The following PKIB variants were observed in gnomAD, a reference collection of about 807,000 sequenced individuals.
PKIB encodes the protein cAMP-dependent protein kinase inhibitor beta.
Under a neutral mutation model 4.5 loss-of-function variants are expected in PKIB, and 2 were observed. That is an observed-to-expected ratio of 0.44 (90% CI 0.18 to 1.39). The LOEUF (loss-of-function observed/expected upper bound fraction) is 1.39, where lower values mean the gene tolerates loss of function less well. PKIB is among the 40% of genes most tolerant of loss of function. The pLI, the probability that PKIB is intolerant of heterozygous loss-of-function variation, is 0.27. For missense variants in PKIB, 94 were observed against 92.6 expected (o/e 1.02, Z -0.06); for synonymous variants, 38 against 36.0 (o/e 1.06, Z -0.20).
chr6:122,609,820 C>T (rs759989870), upstream of PKIB, among the ~76,000 whole-genome samples: 2 of 152,166 alleles, frequency 1.3e-5, no homozygotes, highest in Non-Finnish European at 2.9e-5. Context: ...TTATTTTCTG[C>T]TTTTATTGCA....
chr6:122,535,148 T>C (rs1014539109), intron 2 of PKIB, among the ~76,000 whole-genome samples: 4 of 152,112 alleles, frequency 2.6e-5, no homozygotes, highest in Non-Finnish European at 5.9e-5. Flanking sequence ...TCAATCTACG[T>C]CTGCAGAACA....
intron 3 of PKIB, among the ~76,000 whole-genome samples, chr6:122,676,306 T>A (rs950503063): frequency 6.6e-6 from 1 of 151,964 alleles, no homozygotes; most frequent in African/African-American, 2.4e-5. Context: ...AGAGCTCAAG[T>A]GGTAATGTGA....
intron 2 of PKIB, among the ~76,000 whole-genome samples, chr6:122,576,710 A>ATATATATATATATTTTTTTTT (rs59569106): frequency 9.1e-6 from 1 of 110,034 alleles, no homozygotes; most frequent in African/African-American, 4.0e-5. Context: ...ATATATATAT[A>ATATATATATATATTTTTTTTT]TTTTCTTTTG....
chr6:122,480,892 A>G (rs1224382091), intron 2 of PKIB: 1 of 149,612 alleles, frequency 6.7e-6, no homozygotes, highest in Non-Finnish European at 1.5e-5. Context: ...GATATTGTAC[A>G]TACCACAAAA....
chr6:122,599,091 A>G (rs759166275), intron 3 of PKIB, among the ~76,000 whole-genome samples: 6 of 152,042 alleles, frequency 3.9e-5, no homozygotes, highest in Non-Finnish European at 7.4e-5. Context: ...AAGCAAACAG[A>G]GGTGTTGGGG....
At chr6:122,588,305 G>T (rs1773913916) in intron 3 of PKIB, among the ~76,000 whole-genome samples, 1 of 152,134 alleles carries the variant, frequency 6.6e-6, no homozygotes, top group Admixed American at 6.6e-5. Flanking sequence ...GTTTGTCAAA[G>T]ATCAGATAGT....
chr6:122,541,197 T>G (rs532373847), intron 2 of PKIB, among the ~76,000 whole-genome samples: 54 of 152,084 alleles, frequency 3.6e-4, no homozygotes, highest in Non-Finnish European at 6.3e-4. Context: ...AAGTTAATAC[T>G]GTTATTTGTG....
chr6:122,481,967 T>TTC lies in PKIB; in HGVS notation c.-248+4029_-248+4030insCT, dbSNP rs1285245686. On this transcript the variant is annotated intron_variant, in intron 2 of 6. Transcript: ENST00000392491. ...AACACAGCAGCAAAGGTAAGTTTTG[T>TTC]TTTTTTTTTTTGAGGCGGAGTCTCG... is the stretch of plus-strand genomic sequence containing the variant. 2.0e-5 allele frequency: 3 copies of TTC among 148,714 alleles called. No homozygotes were observed. In the East Asian group the frequency reaches 5.8e-4, roughly 29 times the overall value. The allele number at this position is 148,714 out of a possible 1,614,324, so 9.2% of individuals were successfully genotyped here.
At chr6:122,571,739 A>G (rs1242612705) in intron 2 of PKIB, among the ~76,000 whole-genome samples, 1 of 152,228 alleles carries the variant, frequency 6.6e-6, no homozygotes, top group Non-Finnish European at 1.5e-5. Flanking sequence ...ATGGAGTTCC[A>G]TATCTTGAAA....
chr6:122,611,061 G>A (rs1307401693), intron 1 of PKIB, among the ~76,000 whole-genome samples: 1 of 152,252 alleles, frequency 6.6e-6, no homozygotes, highest in Non-Finnish European at 1.5e-5. Context: ...ATAAAATATG[G>A]AGGTGGGTAG....
chr6:122,708,032 A>G (rs1779131638), intron 3 of PKIB, among the ~76,000 whole-genome samples: 1 of 152,228 alleles, frequency 6.6e-6, no homozygotes, highest in Non-Finnish European at 1.5e-5. Flanking sequence ...AGAATCAGGC[A>G]TGGCTTTTGG....
intron 2 of PKIB, among the ~76,000 whole-genome samples, chr6:122,497,287 C>A (rs1026193016): frequency 1.3e-5 from 2 of 152,110 alleles, no homozygotes; most frequent in Non-Finnish European, 2.9e-5. Context: ...AAGTATATAG[C>A]CCACAGAACC....
At chr6:122,542,738 C>T (rs1280544088) in intron 2 of PKIB, among the ~76,000 whole-genome samples, 1 of 152,108 alleles carries the variant, frequency 6.6e-6, no homozygotes, top group Non-Finnish European at 1.5e-5. Flanking sequence ...CTACTCTCTT[C>T]AAAACTGTCA....
chr6:122,660,684 C>A (rs897723732), intron 2 of PKIB, among the ~76,000 whole-genome samples: 14 of 152,082 alleles, frequency 9.2e-5, no homozygotes, highest in African/African-American at 3.1e-4. Flanking sequence ...TTCCCCCAAC[C>A]TTTGCAATTC....
At chr6:122,482,459 A>C (rs1488628753) in intron 2 of PKIB, 1 of 151,822 alleles carries the variant, frequency 6.6e-6, no homozygotes, top group African/African-American at 2.4e-5. Flanking sequence ...TTCTCCATAC[A>C]TTACATGTAG....
intron 2 of PKIB, among the ~76,000 whole-genome samples, chr6:122,674,577 T>C (rs1777596193): frequency 6.6e-6 from 1 of 152,220 alleles, no homozygotes; most frequent in South Asian, 2.1e-4. Context: ...TCGATTCCTT[T>C]GACATGATCC....
At chr6:122,674,759 G>A (rs2114955961) in intron 2 of PKIB, among the ~76,000 whole-genome samples, 1 of 152,110 alleles carries the variant, frequency 6.6e-6, no homozygotes, top group Non-Finnish European at 1.5e-5. Context: ...AATATTTCCT[G>A]TAATGATCAG....
At chr6:122,688,989 G>C (rs1022873544) in intron 3 of PKIB, among the ~76,000 whole-genome samples, 1 of 151,876 alleles carries the variant, frequency 6.6e-6, no homozygotes, top group African/African-American at 2.4e-5. Context: ...CACCATGTTA[G>C]CCAGGATGGT....
chr6:122,477,944 G>A (rs1284708806), intron 2 of PKIB: 1 of 152,142 alleles, frequency 6.6e-6, no homozygotes, highest in Non-Finnish European at 1.5e-5. Context: ...TCACTGGTAA[G>A]GTCTTAATTT....
Sources: gnomAD v4.1 joint callset for allele counts (sites outside exome capture counted in the v4.1 genomes callset) on GRCh38, gnomAD v4.1.1 for gene constraint, MANE v1.5 for transcripts, NCBI Gene and HGNC (gene_info 2026-07-23, HGNC 2026-07-21) for gene names.